The following CDK14 variants were observed in gnomAD, a reference collection of about 807,000 sequenced individuals.
CDK14 encodes the protein cyclin-dependent kinase 14.
In CDK14, 34 loss-of-function variants were observed where a neutral mutation model predicts 60.7. That is an observed-to-expected ratio of 0.56 (90% CI 0.43 to 0.75). CDK14 has a LOEUF of 0.75. Ranked by LOEUF, CDK14 falls within the 30% of genes least tolerant of loss-of-function variation. The pLI is 0.00. For synonymous variants in CDK14, 197 were observed against 203.7 expected (o/e 0.97, Z 0.28); for missense variants, 482 against 564.1 (o/e 0.85, Z 1.47).
intron 14 of CDK14, among the ~76,000 whole-genome samples, chr7:91,132,669 A>C (rs1435586777): frequency 6.6e-6 from 1 of 152,138 alleles, no homozygotes; most frequent in South Asian, 2.1e-4. Context: ...TTCCATTCAC[A>C]TTTATGCCTA....
intron 9 of CDK14, among the ~76,000 whole-genome samples, chr7:90,977,402 A>G (rs1208894): frequency 0.69 from 104,901 of 151,814 alleles, 36,428 homozygotes; most frequent in East Asian, 0.77. Flanking sequence ...TATAATGCGG[A>G]AGGAATGTAG....
intron 2 of CDK14, among the ~76,000 whole-genome samples, chr7:90,696,434 G>T (rs757247120): frequency 6.7e-6 from 1 of 148,302 alleles, no homozygotes; most frequent in Non-Finnish European, 1.5e-5. Flanking sequence ...TCCGCCTCCC[G>T]GGTTCAAGTG....
At chr7:91,143,715 AAATAAT>A (rs1562922942) in intron 14 of CDK14, among the ~76,000 whole-genome samples, 14 of 152,054 alleles carry the variant, frequency 9.2e-5, no homozygotes, top group Non-Finnish European at 2.1e-4. Context: ...CCTGTCTCTA[AAATAAT>A]AATAATAGTA....
chr7:90,668,783 A>G (rs1038351630), intron 2 of CDK14, among the ~76,000 whole-genome samples: 1 of 135,246 alleles, frequency 7.4e-6, no homozygotes, highest in East Asian at 2.2e-4. Context: ...ATCATGGCTT[A>G]CTGCAGCCTT....
At chr7:90,704,414 C>G (rs935571149) in intron 2 of CDK14, among the ~76,000 whole-genome samples, 5 of 152,146 alleles carry the variant, frequency 3.3e-5, no homozygotes, top group Non-Finnish European at 5.9e-5. Context: ...ATTGTATCAG[C>G]AATGTAGGGA....
At chr7:90,611,167 C>A (rs139568886) in intron 2 of CDK14, among the ~76,000 whole-genome samples, 36 of 152,234 alleles carry the variant, frequency 2.4e-4, no homozygotes, top group African/African-American at 8.4e-4. Context: ...CTGCCCTCTC[C>A]TTTTTCTAGA....
intron 14 of CDK14, among the ~76,000 whole-genome samples, chr7:91,189,348 TAATA>T (rs1166035768): frequency 6.6e-6 from 1 of 152,140 alleles, no homozygotes; most frequent in African/African-American, 2.4e-5. Context: ...ATTATACAAA[TAATA>T]AATGCATTCA....
intron 2 of CDK14, among the ~76,000 whole-genome samples, chr7:90,616,025 A>G (rs1196876968): frequency 2.0e-5 from 3 of 152,272 alleles, no homozygotes; most frequent in East Asian, 3.9e-4. Context: ...ATATTGGTAC[A>G]ATCATATGCA....
chr7:91,189,039 C>CT (rs1039219559), intron 14 of CDK14, among the ~76,000 whole-genome samples: 1 of 152,094 alleles, frequency 6.6e-6, no homozygotes, highest in African/African-American at 2.4e-5. Flanking sequence ...AGCATATTAT[C>CT]TTTTTCCTCT....
chr7:90,868,278 G>A (rs933544543), intron 6 of CDK14, among the ~76,000 whole-genome samples: 1 of 148,424 alleles, frequency 6.7e-6, no homozygotes, highest in Non-Finnish European at 1.5e-5. Context: ...ACATATATAT[G>A]TATATATACA....
chr7:91,040,062 C>G (rs1204464271), intron 10 of CDK14, among the ~76,000 whole-genome samples: 1 of 152,196 alleles, frequency 6.6e-6, no homozygotes, highest in Non-Finnish European at 1.5e-5. Context: ...TCAGCCTGGA[C>G]AACAGAATGA....
At chr7:90,857,335 A>G (rs555401441) in intron 5 of CDK14, among the ~76,000 whole-genome samples, 2 of 152,314 alleles carry the variant, frequency 1.3e-5, no homozygotes, top group South Asian at 4.1e-4. Flanking sequence ...TGCCAACCTA[A>G]GGGAAGGCTC....
At chr7:90,673,859 C>T (rs1401869411) in intron 2 of CDK14, among the ~76,000 whole-genome samples, 1 of 152,112 alleles carries the variant, frequency 6.6e-6, no homozygotes, top group African/African-American at 2.4e-5. Context: ...AGTATTCTCA[C>T]CTCCACTGAC....
rs1322857318 is a variant in CDK14, at chr7:90,954,704, A to G, written c.827-993A>G. On this transcript the variant is annotated intron_variant, in intron 8 of 14. Coordinates refer to ENST00000380050, the MANE Select transcript of CDK14 (RefSeq NM_001287135.2). ...CAGTGGCGGGATCTCGGCTCACTGC[A>G]AGCTCCGCCTCCCGGGTTCACGCCA... is the stretch of plus-strand genomic sequence containing the variant. Among the ~76,000 whole-genome samples the G allele has an allele frequency of 6.7e-4, 2 of 2,986 alleles. 1 individual carries two copies. Among genetic ancestry groups the G allele is most frequent in the African/African-American group, 1.0e-3 (2 of 1,968 alleles). The allele number at this position is 2,986 out of a possible 152,430, so 2.0% of individuals were successfully genotyped here. A position where few individuals can be genotyped will look rare whatever the true frequency, so the allele number is the denominator to read the frequency against.
intron 14 of CDK14, among the ~76,000 whole-genome samples, chr7:91,205,702 A>G (rs986730143): frequency 1.1e-4 from 16 of 152,248 alleles, no homozygotes; most frequent in East Asian, 1.9e-4. Context: ...TTTTGCTTCA[A>G]TTTTTAAAAA....
chr7:91,123,562 A>G (rs1304605370), intron 14 of CDK14, among the ~76,000 whole-genome samples: 1 of 152,158 alleles, frequency 6.6e-6, no homozygotes, highest in African/African-American at 2.4e-5. Context: ...GAATATCCAA[A>G]TGAGAAGAGG....
At chr7:90,944,432 G>A (rs1181002444) in intron 8 of CDK14, among the ~76,000 whole-genome samples, 1 of 152,156 alleles carries the variant, frequency 6.6e-6, no homozygotes, top group Non-Finnish European at 1.5e-5. Context: ...AGATACAAAG[G>A]CAGGTGAAAT....
At chr7:91,173,220 T>G (rs192357137) in intron 14 of CDK14, among the ~76,000 whole-genome samples, 29 of 152,320 alleles carry the variant, frequency 1.9e-4, no homozygotes, top group Admixed American at 4.6e-4. Context: ...GTACTTATTC[T>G]GTTCTTCCAG....
chr7:90,632,247 C>G, intron 2 of CDK14: 1 of 222,424 alleles, frequency 4.5e-6, no homozygotes, highest in Non-Finnish European at 9.3e-6. Flanking sequence ...AGAAGAACCA[C>G]TGGGTGTCCA....
Sources: gnomAD v4.1 joint callset for allele counts (sites outside exome capture counted in the v4.1 genomes callset) on GRCh38, gnomAD v4.1.1 for gene constraint, MANE v1.5 for transcripts, NCBI Gene and HGNC (gene_info 2026-07-23, HGNC 2026-07-21) for gene names.